The following SEPTIN9 variants were observed in gnomAD, a reference collection of about 807,000 sequenced individuals.
SEPTIN9 encodes the protein septin-9.
A neutral mutation model predicts 56.6 loss-of-function variants in SEPTIN9; 13 were observed. The observed-to-expected ratio is 0.23, with a 90% confidence interval of 0.15 to 0.37. SEPTIN9 has a LOEUF of 0.37. Ranked by LOEUF, SEPTIN9 falls within the 10% of genes least tolerant of loss-of-function variation. SEPTIN9 has a pLI of 1.00. For synonymous variants in SEPTIN9, 332 were observed against 334.1 expected, an observed-to-expected ratio of 0.99 and a Z score of 0.07; for missense variants, 650 against 823.1, an observed-to-expected ratio of 0.79 and a Z score of 2.57.
intron 2 of SEPTIN9, among the ~76,000 whole-genome samples, chr17:77,333,929 C>CT (rs1199900297): frequency 4.0e-3 from 1 of 250 alleles, no homozygotes; most frequent in African/African-American, 0.016. Flanking sequence ...CGTCTTACTT[C>CT]TTTTTAAAAT....
At chr17:77,356,028 G>A (rs1025114182) in intron 2 of SEPTIN9, among the ~76,000 whole-genome samples, 7 of 147,996 alleles carry the variant, frequency 4.7e-5, no homozygotes, top group Non-Finnish European at 1.0e-4. Flanking sequence ...CTCCTGTGGT[G>A]AGGTTCTGAG....
intron 2 of SEPTIN9, chr17:77,320,177 T>C: frequency 6.4e-7 from 1 of 1,561,540 alleles, no homozygotes. Flanking sequence ...TGCAACAGAT[T>C]GAAGAAATTA....
At position 77,488,000 on chromosome 17, in the gene SEPTIN9, C is replaced by G. The variant is rs1038521412; in HGVS notation, c.1043-240C>G. Reference sequence around the variant, plus strand: ...CAGTGTCCCGGACCCCTGTGGGCCCCGTCACACTGAGCTCCCCACAGACAA... The same window carrying G: ...CAGTGTCCCGGACCCCTGTGGGCCCGGTCACACTGAGCTCCCCACAGACAA... On this transcript the variant is annotated intron_variant, in intron 5 of 11. Coordinates refer to ENST00000427177, the MANE Select transcript of SEPTIN9 (RefSeq NM_001113491.2). This position sits in a 1 kb window ranked among gnomAD's most constrained non-coding sequence, Gnocchi z 4.3. Among the ~76,000 whole-genome samples, 3 of 152,218 alleles carry G rather than the reference C, an allele frequency of 2.0e-5. No individual in the cohort carries two copies. The highest frequency in any genetic ancestry group is 4.4e-5 in the Non-Finnish European group (3 of 68,024).
intron 11 of SEPTIN9, 111 bp from the exon 12 acceptor site, chr17:77,498,412 G>T (rs1328891561): frequency 7.1e-6 from 5 of 701,428 alleles, no homozygotes; most frequent in Non-Finnish European, 1.3e-5. Flanking sequence ...TGGGGAGTGG[G>T]GGTGGGGGCA....
intron 2 of SEPTIN9, among the ~76,000 whole-genome samples, chr17:77,335,615 G>A (rs1277657256): frequency 2.0e-5 from 3 of 149,842 alleles, no homozygotes; most frequent in Non-Finnish European, 3.0e-5. Flanking sequence ...TAGGCCCCAT[G>A]TTGACTGTAT....
chr17:77,493,274 C>T (rs1011405736), intron 10 of SEPTIN9, 198 bp downstream of exon 10: 37 of 586,788 alleles, frequency 6.3e-5, no homozygotes, highest in Non-Finnish European at 9.8e-5. Flanking sequence ...CAGATGCCTC[C>T]ACCCCAGACC....
intron 2 of SEPTIN9, chr17:77,373,494 C>CATCATGTCG (rs2034797070): frequency 9.1e-6 from 14 of 1,536,614 alleles, no homozygotes; most frequent in Non-Finnish European, 1.2e-5. Flanking sequence ...GCCCACCAGC[C>CATCATGTCG]ATCATGTCGG....
Position 77,422,623 on chromosome 17 carries a change from C to T in SEPTIN9, c.721+19920C>T, listed in dbSNP as rs114476091. On this transcript the variant is annotated intron_variant, in intron 3 of 11. Transcript: ENST00000427177. ...CCCAGGGAGCACTCAGGGCTGGTCC[C>T]GGGGAGCCGGGCTAATGGTCACCTC... 1.4e-4 allele frequency among the ~76,000 whole-genome samples: 22 copies of T among 152,270 alleles called. No individual in the cohort carries two copies. The East Asian group carries it at 2.5e-3, about 17-fold the overall frequency.
intron 2 of SEPTIN9, among the ~76,000 whole-genome samples, chr17:77,391,733 G>A (rs1169321572): frequency 1.3e-5 from 2 of 152,230 alleles, no homozygotes; most frequent in African/African-American, 4.8e-5. Flanking sequence ...CCTTGTAAAG[G>A]AATCCGTAGG....
In SEPTIN9 at chr17:77,402,660, G is replaced by A; in HGVS notation, c.678G>A (p.Lys226=). 6.2e-7 allele frequency: 1 copy of A among 1,609,664 alleles called. No homozygotes were observed. The highest frequency in any genetic ancestry group is 8.5e-7 in the Non-Finnish European group (1 of 1,177,726). Residue 226 remains lysine, a synonymous_variant, in exon 3 of 12, where the codon AAG becomes AAA. Transcript: ENST00000427177. The surrounding 1 kb of genome is among the most constrained non-coding windows in gnomAD (Gnocchi z 6.6). ...AGCTGCAGAGCAGGCTGGAGCCCAA[G>A]CCCCAGCCCCCTGTGGCTGAGGCTA... ...VSQLQSRLEP[K]PQPPVAEATP...
chr17:77,283,261 G>A (rs554062751), intron 1 of SEPTIN9, among the ~76,000 whole-genome samples: 7 of 151,520 alleles, frequency 4.6e-5, no homozygotes, highest in Non-Finnish European at 8.8e-5. Context: ...CAGCAGCCTC[G>A]GTGCCTCCTT....
intron 1 of SEPTIN9, among the ~76,000 whole-genome samples, chr17:77,287,305 G>A (rs1461550754): frequency 1.3e-5 from 2 of 152,228 alleles, no homozygotes; most frequent in Non-Finnish European, 2.9e-5. Flanking sequence ...CGATGGGCTG[G>A]TCACCCCTGC....
intron 8 of SEPTIN9, among the ~76,000 whole-genome samples, chr17:77,491,964 T>C (rs1055755955): frequency 1.3e-5 from 2 of 152,054 alleles, no homozygotes; most frequent in Admixed American, 6.5e-5. Context: ...CAGAGCCACA[T>C]GGGGTGCCTT....
chr17:77,312,181 CT>C (rs1485166861), intron 2 of SEPTIN9, among the ~76,000 whole-genome samples: 2 of 152,158 alleles, frequency 1.3e-5, no homozygotes, highest in Non-Finnish European at 2.9e-5. Context: ...GCTGTGGCTC[CT>C]TCCCCTCCAC....
At chr17:77,334,354 G>A (rs1453824443) in intron 2 of SEPTIN9, among the ~76,000 whole-genome samples, 2 of 150,534 alleles carry the variant, frequency 1.3e-5, no homozygotes, top group Admixed American at 6.6e-5. Flanking sequence ...CCTGGGAGGC[G>A]GAGCTTGCAG....
intron 2 of SEPTIN9, chr17:77,320,190 CCAGA>C (rs1180106828): frequency 2.0e-5 from 32 of 1,585,428 alleles, no homozygotes; most frequent in Middle Eastern, 2.1e-4. Flanking sequence ...AGAAATTAGA[CCAGA>C]CAAAGAGTGT....
intron 2 of SEPTIN9, chr17:77,397,194 A>T (rs556088080): frequency 1.3e-5 from 2 of 154,582 alleles, no homozygotes; most frequent in Admixed American, 1.3e-4. Flanking sequence ...ACATCAAGGT[A>T]TTGGCAGGAC....
At chr17:77,376,045 A>G (rs2034907949) in intron 2 of SEPTIN9, 2 of 968,556 alleles carry the variant, frequency 2.1e-6, no homozygotes, top group Non-Finnish European at 2.5e-6. Flanking sequence ...CTTCCGAATC[A>G]GGGTAGAGAA....
At chr17:77,352,917 G>T (rs889157735) in intron 2 of SEPTIN9, among the ~76,000 whole-genome samples, 1 of 152,138 alleles carries the variant, frequency 6.6e-6, no homozygotes, top group Non-Finnish European at 1.5e-5. Flanking sequence ...CCAAAACACT[G>T]GGATTAGAGA....
Sources: gnomAD v4.1 joint callset for allele counts (sites outside exome capture counted in the v4.1 genomes callset) on GRCh38, gnomAD v4.1.1 for gene constraint, Gnocchi (gnomAD v3.1) non-coding constraint, MANE v1.5 for transcripts, NCBI Gene and HGNC (gene_info 2026-07-23, HGNC 2026-07-21) for gene names.